Variants in HS6ST3 observed in about 807,000 individuals in gnomAD.
HS6ST3 encodes heparan sulfate 6-O-sulfotransferase 3.
A neutral mutation model predicts 36.7 loss-of-function variants in HS6ST3; 12 were observed. The observed-to-expected ratio is 0.33, with a 90% CI of 0.21 to 0.53. The LOEUF is 0.53. Among genes scored for constraint, HS6ST3 ranks in the 20% least tolerant of loss-of-function variants. The pLI is 0.95. For missense variants in HS6ST3, 584 were observed against 640.9 expected, an observed-to-expected ratio of 0.91 and a Z score of 0.96; for synonymous variants, 240 against 257.5, an observed-to-expected ratio of 0.93 and a Z score of 0.65.
intron 1 of HS6ST3, among the ~76,000 whole-genome samples, chr13:96,598,387 CT>C (rs2056409681): frequency 1.3e-5 from 2 of 151,824 alleles, no homozygotes; most frequent in African/African-American, 4.8e-5. Flanking sequence ...GATCTTTTAC[CT>C]TCTTGGTTAG....
At chr13:96,404,461 T>C (rs1192357279) in intron 1 of HS6ST3, among the ~76,000 whole-genome samples, 1 of 152,114 alleles carries the variant, frequency 6.6e-6, no homozygotes, top group African/African-American at 2.4e-5. Context: ...TTTTAAAGAG[T>C]GGGCTGACAT....
intron 1 of HS6ST3, among the ~76,000 whole-genome samples, chr13:96,368,601 A>C (rs1456177499): frequency 6.6e-6 from 1 of 152,176 alleles, no homozygotes; most frequent in East Asian, 1.9e-4. Flanking sequence ...ACAGAAACAT[A>C]ATAAAACTGA....
intron 1 of HS6ST3, among the ~76,000 whole-genome samples, chr13:96,313,677 T>G (rs1027003185): frequency 6.6e-6 from 1 of 152,192 alleles, no homozygotes; most frequent in African/African-American, 2.4e-5. Flanking sequence ...CTCACTGATG[T>G]GTTTCATTTC....
chr13:96,765,930 G>A (rs549561920), intron 1 of HS6ST3, among the ~76,000 whole-genome samples: 38 of 152,256 alleles, frequency 2.5e-4, no homozygotes, highest in African/African-American at 8.9e-4. Flanking sequence ...AATCAGGATA[G>A]CAGTTGATTT....
At chr13:96,603,115 C>T (rs1274927629) in intron 1 of HS6ST3, among the ~76,000 whole-genome samples, 1 of 152,130 alleles carries the variant, frequency 6.6e-6, no homozygotes, top group South Asian at 2.1e-4. Context: ...CCATTTTGCT[C>T]TGCCCTTCTC....
intron 1 of HS6ST3, among the ~76,000 whole-genome samples, chr13:96,327,935 T>A (rs945895333): frequency 7.2e-6 from 1 of 138,408 alleles, no homozygotes; most frequent in Non-Finnish European, 1.6e-5. Context: ...TTATTCTCTT[T>A]GAAGCAATTG....
At chr13:96,356,032 G>A (rs1400487733) in intron 1 of HS6ST3, among the ~76,000 whole-genome samples, 2 of 152,074 alleles carry the variant, frequency 1.3e-5, no homozygotes, top group African/African-American at 4.8e-5. Flanking sequence ...ACCCATTTAA[G>A]TTTTATCATG....
rs142267724 is a variant in HS6ST3 at position 96,176,281 on chromosome 13, A to G, written c.707+84712A>G. Among the ~76,000 whole-genome samples the G allele has an allele frequency of 1.2e-3, 181 of 152,350 alleles. 3 individuals carry two copies. The East Asian group carries it at 0.032, about 27-fold the overall frequency. On this transcript the variant is annotated intron_variant, in intron 1 of 1. Coordinates refer to ENST00000376705, the MANE Select transcript of HS6ST3 (RefSeq NM_153456.4). Reference sequence around the variant, plus strand: ...TTTGAAAGTTGTTTAATAAAGGAAAAGAACTGAGGTGTGTCATGCGTTTCT... The same window carrying G: ...TTTGAAAGTTGTTTAATAAAGGAAAGGAACTGAGGTGTGTCATGCGTTTCT...
At chr13:96,481,390 G>C (rs2055889448) in intron 1 of HS6ST3, among the ~76,000 whole-genome samples, 1 of 152,200 alleles carries the variant, frequency 6.6e-6, no homozygotes, top group Non-Finnish European at 1.5e-5. Context: ...GTTCCTTTTA[G>C]TGGGGATCTG....
chr13:96,739,087 AT>A (rs376386137), intron 1 of HS6ST3, among the ~76,000 whole-genome samples: 1,841 of 148,074 alleles, frequency 0.012, 21 homozygotes, highest in Non-Finnish European at 0.016. Flanking sequence ...CACCGCACAC[AT>A]TTTTTTTTTC....
chr13:96,319,165 TC>T (rs1393501997), intron 1 of HS6ST3, among the ~76,000 whole-genome samples: 3 of 152,214 alleles, frequency 2.0e-5, no homozygotes, highest in Non-Finnish European at 2.9e-5. Context: ...ACTTTCTGTA[TC>T]TATGGATTTG....
intron 1 of HS6ST3, among the ~76,000 whole-genome samples, chr13:96,490,603 A>G (rs1022401941): frequency 6.6e-6 from 1 of 152,208 alleles, no homozygotes; most frequent in African/African-American, 2.4e-5. Flanking sequence ...TTTAAATGAC[A>G]TGGTTACAGA....
At chr13:96,748,630 A>G (rs1003599776) in intron 1 of HS6ST3, among the ~76,000 whole-genome samples, 3 of 151,974 alleles carry the variant, frequency 2.0e-5, no homozygotes, top group African/African-American at 7.3e-5. Context: ...GCCTGGTCTC[A>G]CCCACTACAA....
chr13:96,258,053 T>G (rs2054645808), intron 1 of HS6ST3, among the ~76,000 whole-genome samples: 1 of 152,234 alleles, frequency 6.6e-6, no homozygotes, highest in South Asian at 2.1e-4. Flanking sequence ...AATATTAAAT[T>G]CCACTGGACT....
intron 1 of HS6ST3, among the ~76,000 whole-genome samples, chr13:96,692,295 T>C (rs1874986931): frequency 6.6e-6 from 1 of 152,170 alleles, no homozygotes; most frequent in Non-Finnish European, 1.5e-5. Flanking sequence ...CCATATACTT[T>C]AAATCATCTC....
At chr13:96,305,163 T>A (rs755170476) in intron 1 of HS6ST3, among the ~76,000 whole-genome samples, 16 of 152,156 alleles carry the variant, frequency 1.1e-4, no homozygotes, top group Non-Finnish European at 2.2e-4. Context: ...ATAGGAAGCC[T>A]AATGGATTTT....
chr13:96,136,452 G>A (rs1796594466), intron 1 of HS6ST3, among the ~76,000 whole-genome samples: 1 of 151,992 alleles, frequency 6.6e-6, no homozygotes, highest in African/African-American at 2.4e-5. Context: ...AGAGAAGGGG[G>A]AGGTGCTGCA....
chr13:96,634,181 C>T (rs909433421), intron 1 of HS6ST3, among the ~76,000 whole-genome samples: 9 of 152,188 alleles, frequency 5.9e-5, no homozygotes, highest in Non-Finnish European at 1.0e-4. Context: ...TTTTAAGCCA[C>T]CCCATCTATG....
chr13:96,157,123 G>A (rs1205782118), intron 1 of HS6ST3, among the ~76,000 whole-genome samples: 2 of 152,194 alleles, frequency 1.3e-5, no homozygotes, highest in African/African-American at 4.8e-5. Context: ...GAGCATTAAA[G>A]TCAGATAATA....
Sources: allele counts gnomAD v4.1 joint callset (sites outside exome capture counted in the v4.1 genomes callset), GRCh38; gene constraint gnomAD v4.1.1; transcripts MANE v1.5; gene names NCBI Gene and HGNC (gene_info 2026-07-23, HGNC 2026-07-21).